FRAS1: variants seen among roughly 807,000 people sequenced by gnomAD.
FRAS1 encodes the protein extracellular matrix organizing protein FRAS1.
In FRAS1, 290 loss-of-function variants were observed where a neutral mutation model predicts 435.2. The observed-to-expected ratio is 0.67, with a 90% CI of 0.61 to 0.73. The LOEUF (loss-of-function observed/expected upper bound fraction) is 0.73. Ranked by LOEUF, FRAS1 falls within the 30% of genes least tolerant of loss-of-function variation. The pLI is 0.00. For missense variants in FRAS1, 4,860 were observed against 5,001.5 expected (o/e 0.97, Z 0.85); for synonymous variants, 1,800 against 1,851.0 (o/e 0.97, Z 0.71).
rs560723348 is a variant in FRAS1, at chr4:78,482,664, G to A, written c.8752+129G>A. ...AATATGTGTGTGTAGATGTGTATAC[G>A]TGAGCATTTGCACTTTTACATAGCA... On this transcript the variant is annotated intron_variant, in intron 58 of 73. Transcript: ENST00000512123. The A allele has an allele frequency of 7.9e-5, 75 of 950,614 alleles. 1 individual carries two copies. The highest frequency in any genetic ancestry group is 3.0e-4 in the South Asian group (18 of 60,960). 58.9% of individuals were successfully genotyped at this position (950,614 alleles called of 1,614,324 possible). A position where few individuals can be genotyped will look rare whatever the true frequency, so the allele number is the denominator to read the frequency against.
chr4:78,441,355 G>T, intron 41 of FRAS1, 58 bp downstream of exon 41: 1 of 1,495,740 alleles, frequency 6.7e-7, no homozygotes, highest in African/African-American at 1.4e-5. Context: ...AGAGGGAGGA[G>T]GACCTTGCTT....
intron 2 of FRAS1, among the ~76,000 whole-genome samples, chr4:78,182,368 G>A (rs1722055129): frequency 6.6e-6 from 1 of 152,196 alleles, no homozygotes; most frequent in Non-Finnish European, 1.5e-5. Context: ...ATAAGGAAGG[G>A]TTCCTAAGAG....
chr4:78,282,228 C>T (rs1288782312), intron 11 of FRAS1, among the ~76,000 whole-genome samples: 2 of 152,086 alleles, frequency 1.3e-5, no homozygotes, highest in South Asian at 2.1e-4. Flanking sequence ...GGTTCTCTGC[C>T]GACTACTAAT....
At chr4:78,118,547 G>T (rs56069998) in intron 2 of FRAS1, among the ~76,000 whole-genome samples, 1 of 152,044 alleles carries the variant, frequency 6.6e-6, no homozygotes, top group Non-Finnish European at 1.5e-5. Context: ...CCTCACTGCC[G>T]CCTTGCAGTT....
intron 12 of FRAS1, 39 bp downstream of exon 12, chr4:78,283,006 T>C: frequency 7.2e-7 from 1 of 1,382,914 alleles, no homozygotes; most frequent in East Asian, 2.8e-5. Flanking sequence ...GAGATAGTTT[T>C]ACTGCCAAAA....
chr4:78,187,698 G>A (rs145274472), intron 2 of FRAS1, among the ~76,000 whole-genome samples: 2,945 of 152,142 alleles, frequency 0.019, 100 homozygotes, highest in African/African-American at 0.067. Context: ...CCGCCTCTCA[G>A]GTTCAAGCGA....
chr4:78,343,902 G>A (rs1730498078), intron 20 of FRAS1, among the ~76,000 whole-genome samples: 1 of 152,158 alleles, frequency 6.6e-6, no homozygotes, highest in Non-Finnish European at 1.5e-5. Flanking sequence ...GGGGAGGTGG[G>A]TTGGCACCGC....
intron 2 of FRAS1, among the ~76,000 whole-genome samples, chr4:78,229,468 A>T (rs1455189910): frequency 6.6e-6 from 1 of 152,116 alleles, no homozygotes; most frequent in African/African-American, 2.4e-5. Context: ...GACCTGGAGG[A>T]TGTGTGGAAG....
chr4:78,149,935 G>C (rs1720573369), intron 2 of FRAS1, among the ~76,000 whole-genome samples: 1 of 152,170 alleles, frequency 6.6e-6, no homozygotes, highest in Non-Finnish European at 1.5e-5. Context: ...ACCAAAGCCA[G>C]AGCTGCAGTG....
intron 2 of FRAS1, among the ~76,000 whole-genome samples, chr4:78,199,571 A>T (rs1722962830): frequency 1.3e-5 from 2 of 152,250 alleles, no homozygotes; most frequent in Admixed American, 1.3e-4. Flanking sequence ...AAAATAAAGT[A>T]AAACCAATCA....
chr4:78,456,062 G>A (rs1271759802), intron 47 of FRAS1, among the ~76,000 whole-genome samples: 1 of 151,806 alleles, frequency 6.6e-6, no homozygotes, highest in Non-Finnish European at 1.5e-5. Context: ...CCTCCAGCCA[G>A]CAGGAAGAAA....
intron 64 of FRAS1, 101 bp downstream of exon 64, chr4:78,511,607 T>C (rs1361558256): frequency 1.1e-6 from 1 of 935,482 alleles, no homozygotes; most frequent in Non-Finnish European, 1.7e-6. Context: ...TTCTGCATGA[T>C]AAAAATGTGA....
intron 11 of FRAS1, 54 bp from the exon 12 acceptor site, chr4:78,282,766 T>C: frequency 6.3e-7 from 1 of 1,595,884 alleles, no homozygotes. Context: ...CAGCAAGCTC[T>C]CTTCTGAATT....
intron 73 of FRAS1, 78 bp from the exon 74 acceptor site, chr4:78,540,453 T>G: frequency 1.1e-6 from 1 of 869,886 alleles, no homozygotes; most frequent in Non-Finnish European, 1.7e-6. Context: ...AGGCATATAG[T>G]GGCAATTATC....
intron 70 of FRAS1, among the ~76,000 whole-genome samples, chr4:78,532,634 G>A (rs999125382): frequency 1.3e-5 from 2 of 152,050 alleles, no homozygotes; most frequent in South Asian, 4.1e-4. Flanking sequence ...GTCGCTCCTG[G>A]TAACCACTGT....
intron 2 of FRAS1, among the ~76,000 whole-genome samples, chr4:78,156,815 G>A (rs1720907958): frequency 6.6e-6 from 1 of 152,170 alleles, no homozygotes; most frequent in African/African-American, 2.4e-5. Context: ...TACCTCTGTG[G>A]TGACTCTCTC....
intron 9 of FRAS1, among the ~76,000 whole-genome samples, chr4:78,277,192 A>C (rs1386584275): frequency 6.6e-6 from 1 of 152,126 alleles, no homozygotes; most frequent in Admixed American, 6.5e-5. Flanking sequence ...GGAGTAACCC[A>C]ATTTTCCAGG....
At chr4:78,160,608 CTAAAT>C (rs1721099648) in intron 2 of FRAS1, among the ~76,000 whole-genome samples, 2 of 151,898 alleles carry the variant, frequency 1.3e-5, no homozygotes, top group Non-Finnish European at 2.9e-5. Context: ...AACTAGATCA[CTAAAT>C]TAAAGGTAGA....
chr4:78,215,120 A>G (rs1352496844), intron 2 of FRAS1, among the ~76,000 whole-genome samples: 2 of 152,172 alleles, frequency 1.3e-5, no homozygotes, highest in Non-Finnish European at 2.9e-5. Context: ...GCTGGTCTAT[A>G]AAATGTTTGT....
Sources: allele counts gnomAD v4.1 joint callset (sites outside exome capture counted in the v4.1 genomes callset), GRCh38; gene constraint gnomAD v4.1.1; transcripts MANE v1.5; gene names NCBI Gene and HGNC (gene_info 2026-07-23, HGNC 2026-07-21).